The following EDIL3 variants were observed in gnomAD, a reference collection of about 807,000 sequenced individuals.
EDIL3 encodes EGF-like repeat and discoidin I-like domain-containing protein 3.
EDIL3 carries 37 observed loss-of-function variants against 67.4 expected under a neutral mutation model. The observed-to-expected ratio is 0.55, with a 90% CI of 0.42 to 0.72. EDIL3 has a LOEUF of 0.72. Ranked by LOEUF, EDIL3 falls within the 30% of genes least tolerant of loss-of-function variation. EDIL3 has a pLI of 0.00. For missense variants in EDIL3, 527 were observed against 586.3 expected (o/e 0.90, Z 1.04); for synonymous variants, 195 against 196.3 (o/e 0.99, Z 0.05).
chr5:84,210,404 T>C (rs1744094273), intron 3 of EDIL3, among the ~76,000 whole-genome samples: 2 of 152,104 alleles, frequency 1.3e-5, no homozygotes. Context: ...TATAAATAAA[T>C]AAATCTAGAA....
intron 1 of EDIL3, among the ~76,000 whole-genome samples, chr5:84,328,797 C>G (rs908155287): frequency 1.3e-5 from 2 of 152,058 alleles, no homozygotes; most frequent in African/African-American, 4.8e-5. Flanking sequence ...TCTCTCACTG[C>G]ATCTGTAAGA....
chr5:83,950,292 T>TG (rs1248579739), intron 10 of EDIL3, among the ~76,000 whole-genome samples: 1 of 151,842 alleles, frequency 6.6e-6, no homozygotes, highest in African/African-American at 2.4e-5. Context: ...AGAATGATCT[T>TG]GGGGAACTGT....
chr5:84,185,051 T>C (rs1424526731), intron 3 of EDIL3, among the ~76,000 whole-genome samples: 1 of 152,172 alleles, frequency 6.6e-6, no homozygotes, highest in African/African-American at 2.4e-5. Context: ...ACATATTATC[T>C]TTATAATGCC....
At chr5:84,153,616 C>T (rs370767812) in intron 4 of EDIL3, among the ~76,000 whole-genome samples, 17 of 152,050 alleles carry the variant, frequency 1.1e-4, no homozygotes, top group African/African-American at 3.9e-4. Flanking sequence ...GCATCTGCCA[C>T]CATGCCCAGC....
At chr5:84,003,737 C>G (rs533937479) in intron 9 of EDIL3, among the ~76,000 whole-genome samples, 1 of 152,070 alleles carries the variant, frequency 6.6e-6, no homozygotes, top group Admixed American at 6.5e-5. Flanking sequence ...GTACATAGAC[C>G]ATTGACACTA....
chr5:84,188,644 A>C (rs537755012), intron 3 of EDIL3, among the ~76,000 whole-genome samples: 14 of 151,972 alleles, frequency 9.2e-5, no homozygotes, highest in African/African-American at 2.7e-4. Context: ...TTTTTAAAAG[A>C]GATAATTAAG....
intron 5 of EDIL3, among the ~76,000 whole-genome samples, chr5:84,132,771 T>A: frequency 6.6e-6 from 1 of 150,940 alleles, no homozygotes; most frequent in African/African-American, 2.4e-5. Flanking sequence ...AATATCCTTA[T>A]CACAGAATTC....
chr5:84,241,832 G>T (rs1258339654), intron 2 of EDIL3, among the ~76,000 whole-genome samples: 3 of 151,902 alleles, frequency 2.0e-5, no homozygotes, highest in Non-Finnish European at 4.4e-5. Context: ...AGTATATAAG[G>T]TTTAATTATT....
At chr5:83,971,616 G>T (rs919825107) in intron 9 of EDIL3, among the ~76,000 whole-genome samples, 7 of 151,458 alleles carry the variant, frequency 4.6e-5, no homozygotes, top group Non-Finnish European at 4.4e-5. Flanking sequence ...CATACATTTA[G>T]AAAAATCCCT....
At chr5:83,995,503 A>T (rs1266922626) in intron 9 of EDIL3, among the ~76,000 whole-genome samples, 1 of 152,190 alleles carries the variant, frequency 6.6e-6, no homozygotes, top group Admixed American at 6.6e-5. Context: ...GTCGTTGCAT[A>T]CTAAAAATGA....
At chr5:84,247,105 AGCTT>A (rs1255134837) in intron 2 of EDIL3, among the ~76,000 whole-genome samples, 3 of 152,164 alleles carry the variant, frequency 2.0e-5, no homozygotes, top group African/African-American at 7.2e-5. Flanking sequence ...ATTGGCTAGC[AGCTT>A]TAGAGAAAGT....
intron 2 of EDIL3, among the ~76,000 whole-genome samples, chr5:84,235,039 T>TAAAGAATAA (rs1744653432): frequency 6.6e-6 from 1 of 152,068 alleles, no homozygotes; most frequent in Non-Finnish European, 1.5e-5. Flanking sequence ...TTATTTAAAT[T>TAAAGAATAA]TGTGAACTCA....
chr5:84,325,673 C>T (rs1293073714), intron 1 of EDIL3, among the ~76,000 whole-genome samples: 3 of 151,972 alleles, frequency 2.0e-5, no homozygotes, highest in Non-Finnish European at 2.9e-5. Context: ...TTCTCAAAGA[C>T]ATATGTGTAC....
chr5:84,293,706 G>C (rs1300602968), intron 1 of EDIL3, among the ~76,000 whole-genome samples: 1 of 151,626 alleles, frequency 6.6e-6, no homozygotes, highest in Non-Finnish European at 1.5e-5. Context: ...TGCTTTGCCA[G>C]CTGTGGGAGG....
intron 9 of EDIL3, among the ~76,000 whole-genome samples, chr5:84,004,182 T>C (rs758807072): frequency 4.6e-5 from 7 of 152,102 alleles, no homozygotes; most frequent in Non-Finnish European, 7.4e-5. Context: ...TAAAACAAGT[T>C]CTTAGAGACT....
intron 3 of EDIL3, among the ~76,000 whole-genome samples, chr5:84,202,271 G>T (rs1366524892): frequency 6.6e-6 from 1 of 151,956 alleles, no homozygotes; most frequent in East Asian, 1.9e-4. Flanking sequence ...CGAGACCCTG[G>T]GTATCTACAA....
At chr5:84,263,497 C>T (rs915684862) in intron 1 of EDIL3, among the ~76,000 whole-genome samples, 4 of 152,028 alleles carry the variant, frequency 2.6e-5, no homozygotes, top group Non-Finnish European at 5.9e-5. Context: ...GTGTGTTATG[C>T]GGGATATACC....
chr5:84,304,615 A>G (rs1222115556), intron 1 of EDIL3, among the ~76,000 whole-genome samples: 2 of 152,256 alleles, frequency 1.3e-5, no homozygotes, highest in African/African-American at 4.8e-5. Flanking sequence ...ACAAAGATCA[A>G]TTAAGTATAT....
At position 84,383,933 on chromosome 5, in the gene EDIL3, G is replaced by T. The variant is rs1277548634; in HGVS notation, c.67+375C>A. On this transcript the variant is annotated intron_variant, in intron 1 of 10. Transcript: ENST00000296591. ...TGGCTTCCCCCGCTCCCGCCCGCAC[G>T]AAAGCCCTGCCCGACGTCTGCAGTC... Among the ~76,000 whole-genome samples the T allele has an allele frequency of 2.0e-5, 3 of 152,152 alleles. No homozygotes were observed. The East Asian group carries it at 5.8e-4, about 30-fold the overall frequency.
Sources: allele counts gnomAD v4.1 joint callset (sites outside exome capture counted in the v4.1 genomes callset), GRCh38; gene constraint gnomAD v4.1.1; transcripts MANE v1.5; gene names NCBI Gene and HGNC (gene_info 2026-07-23, HGNC 2026-07-21).